The following RTF1 variants were observed in gnomAD, a reference collection of about 807,000 sequenced individuals.
RTF1 encodes the protein RTF1 homolog, Paf1/RNA polymerase II complex component.
In RTF1, 10 loss-of-function variants were observed where a neutral mutation model predicts 95.7. That is an observed-to-expected ratio of 0.10 (90% confidence interval 0.06 to 0.18). RTF1 has a LOEUF of 0.18. RTF1 is among the 10% of genes least tolerant of loss of function. The pLI is 1.00. For synonymous variants in RTF1, 305 were observed against 311.8 expected (o/e 0.98, Z 0.23); for missense variants, 458 against 875.6 (o/e 0.52, Z 6.02).
chr15:41,434,144 CTTT>C (rs58239721), intron 1 of RTF1, among the ~76,000 whole-genome samples: 29 of 136,210 alleles, frequency 2.1e-4, no homozygotes, highest in Non-Finnish European at 2.2e-4. Context: ...CACGCCTGGC[CTTT>C]TTTTTTTTTT....
chr15:41,464,303 T>G (rs1437169881), intron 4 of RTF1, among the ~76,000 whole-genome samples: 1 of 150,412 alleles, frequency 6.6e-6, no homozygotes, highest in African/African-American at 2.5e-5. Flanking sequence ...TAGGCTGGAG[T>G]GCAGTGGCGC....
Position 41,477,530 on chromosome 15 carries a change from T to A in RTF1, c.1740+15T>A. The A allele has an allele frequency of 6.2e-7, 1 of 1,607,798 alleles. No individual in the cohort carries two copies. The highest frequency in any genetic ancestry group is 1.7e-5 in the Admixed American group (1 of 60,010). ...AGGCCCTTGTGGTAAGAAAACTTTA[T>A]CTGAATCACTAAAACAAAGTTAATT... On this transcript the variant is annotated intron_variant, in intron 14 of 17. Transcript: ENST00000389629.
chr15:41,428,299 G>A (rs1397414232), intron 1 of RTF1, among the ~76,000 whole-genome samples: 7 of 94,974 alleles, frequency 7.4e-5, no homozygotes, highest in Admixed American at 1.5e-4. Flanking sequence ...ATGGAGTCTC[G>A]CTTTGTTGCC....
Position 41,438,505 on chromosome 15 carries a change from C to G in RTF1, c.309+74C>G, listed in dbSNP as rs2050716479. On this transcript the variant is annotated intron_variant, in intron 2 of 17. Coordinates refer to ENST00000389629, the MANE Select transcript of RTF1 (RefSeq NM_015138.5). Reference sequence around the variant, plus strand: ...CCTCGCTTTGGTGGCTCCTGTTGGCCTCATTTCCTTAAATGGAGACTTACA... The same window carrying G: ...CCTCGCTTTGGTGGCTCCTGTTGGCGTCATTTCCTTAAATGGAGACTTACA... The G allele has an allele frequency of 4.3e-6, 4 of 934,526 alleles. No individual in the cohort carries two copies. In the African/African-American group the frequency reaches 6.7e-5, roughly 16 times the overall value. The allele number at this position is 934,526 out of a possible 1,614,324, so 57.9% of individuals were successfully genotyped here. A position where few individuals can be genotyped will look rare whatever the true frequency, so the allele number is the denominator to read the frequency against.
chr15:41,433,453 G>C (rs1367456249), intron 1 of RTF1, among the ~76,000 whole-genome samples: 1 of 151,900 alleles, frequency 6.6e-6, no homozygotes, highest in Non-Finnish European at 1.5e-5. Flanking sequence ...TCCCACCTCA[G>C]CCTCCTGAGC....
At chr15:41,469,011 C>T (rs781243748) in intron 6 of RTF1, among the ~76,000 whole-genome samples, 3 of 152,140 alleles carry the variant, frequency 2.0e-5, no homozygotes, top group Non-Finnish European at 4.4e-5. Context: ...CTCTGTTACT[C>T]AGTCTGGAGT....
chr15:41,454,095 A>C (rs1398645612), intron 3 of RTF1, among the ~76,000 whole-genome samples: 1 of 151,812 alleles, frequency 6.6e-6, no homozygotes, highest in African/African-American at 2.4e-5. Flanking sequence ...TTTATTTTTT[A>C]TTTTTTTAAT....
intron 4 of RTF1, among the ~76,000 whole-genome samples, chr15:41,462,451 C>G (rs77621225): frequency 0.023 from 3,576 of 152,202 alleles, 58 homozygotes; most frequent in Middle Eastern, 0.082. Context: ...GGAGTTAAAT[C>G]ACTTTCTCTT....
chr15:41,479,530 T>C (rs2140658941), intron 16 of RTF1, among the ~76,000 whole-genome samples: 1 of 152,244 alleles, frequency 6.6e-6, no homozygotes, highest in Non-Finnish European at 1.5e-5. Flanking sequence ...GATCAGACAT[T>C]GTAAAAGTGA....
At chr15:41,478,943 CT>C (rs374560005) in intron 15 of RTF1, 159 bp from the exon 16 acceptor site, 82,634 of 497,026 alleles carry the variant, frequency 0.17, 1 homozygote, top group East Asian at 0.21. Flanking sequence ...TTGTAATTGC[CT>C]TTTTTTTTTT....
chr15:41,451,084 T>C (rs952916561), intron 2 of RTF1, among the ~76,000 whole-genome samples: 2 of 152,162 alleles, frequency 1.3e-5, no homozygotes, highest in Non-Finnish European at 2.9e-5. Flanking sequence ...ACTACACCTC[T>C]ACCCAACCCC....
intron 1 of RTF1, among the ~76,000 whole-genome samples, chr15:41,427,190 T>C (rs1390400524): frequency 7.4e-6 from 1 of 134,454 alleles, no homozygotes; most frequent in African/African-American, 2.9e-5. Flanking sequence ...CTTGCTCTGT[T>C]GCCCAGGCCG....
At chr15:41,470,504 C>T in intron 7 of RTF1, 112 bp downstream of exon 7, 5 of 1,157,576 alleles carry the variant, frequency 4.3e-6, no homozygotes, top group Admixed American at 3.8e-5. Context: ...GACATGGTTA[C>T]CTTTGGTTTG....
At chr15:41,425,085 G>A (rs2050622192) in intron 1 of RTF1, among the ~76,000 whole-genome samples, 1 of 149,838 alleles carries the variant, frequency 6.7e-6, no homozygotes, top group African/African-American at 2.4e-5. Flanking sequence ...GCAAGTGTGT[G>A]CCACCACACT....
rs2050910330 is a variant in RTF1 at position 41,471,298 on chromosome 15, A to T, written c.1152A>T (p.Gly384=). The change falls in exon 8 of 18, where the codon GGA becomes GGT. Residue 384 remains glycine (G), a synonymous_variant. Transcript: ENST00000389629. ...HMPFFAKTVT[G]CFVRIGIGNH... ...CCTTCTTTGCTAAAACTGTCACAGGATGTTTTGTGCGGATTGGCATCGGAA... is the reference window on the plus strand; with the variant it reads ...CCTTCTTTGCTAAAACTGTCACAGGTTGTTTTGTGCGGATTGGCATCGGAA... 1 of 1,613,846 alleles carries T rather than the reference A, an allele frequency of 6.2e-7. No individual in the cohort carries two copies. The highest frequency in any genetic ancestry group is 8.5e-7 in the Non-Finnish European group (1 of 1,180,004).
chr15:41,471,897 T>C (rs1391276858), intron 8 of RTF1, among the ~76,000 whole-genome samples: 5 of 151,912 alleles, frequency 3.3e-5, no homozygotes, highest in Non-Finnish European at 5.9e-5. Flanking sequence ...ATTATTATTA[T>C]TTTTTTATTT....
intron 3 of RTF1, among the ~76,000 whole-genome samples, chr15:41,453,934 T>C (rs925648845): frequency 6.6e-4 from 100 of 152,250 alleles, no homozygotes; most frequent in African/African-American, 2.3e-3. Context: ...TTAGCTCAAA[T>C]TGAGTCAAGG....
rs745623570 is a variant in RTF1 at position 41,417,259 on chromosome 15, C to T, written c.144C>T (p.Arg48=). The T allele has an allele frequency of 4.2e-5, 52 of 1,252,430 alleles. No individual in the cohort carries two copies. The East Asian group carries it at 1.6e-3, about 39-fold the overall frequency. The allele number at this position is 1,252,430 out of a possible 1,614,324, so 77.6% of individuals were successfully genotyped here. A position where few individuals can be genotyped will look rare whatever the true frequency, so the allele number is the denominator to read the frequency against. ...GTTMVKKRKG[R]VVIDSDTEDS... is the part of the protein sequence containing the mutation. ...CCATGGTAAAGAAGCGGAAAGGCCGCGTCGTGATCGACTCGGACACAGAGG... is the reference window on the plus strand; with the variant it reads ...CCATGGTAAAGAAGCGGAAAGGCCGTGTCGTGATCGACTCGGACACAGAGG... Residue 48 remains arginine, a synonymous_variant, in exon 1 of 18, where the codon CGC becomes CGT. Coordinates refer to ENST00000389629, the MANE Select transcript of RTF1 (RefSeq NM_015138.5).
At chr15:41,473,179 G>C (rs907462636) in intron 8 of RTF1, among the ~76,000 whole-genome samples, 3 of 151,926 alleles carry the variant, frequency 2.0e-5, no homozygotes, top group African/African-American at 7.3e-5. Context: ...TGTCATCCAG[G>C]CTGGAGTGCA....
Sources: allele counts gnomAD v4.1 joint callset (sites outside exome capture counted in the v4.1 genomes callset), GRCh38; gene constraint gnomAD v4.1.1; transcripts MANE v1.5; gene names NCBI Gene and HGNC (gene_info 2026-07-23, HGNC 2026-07-21).